The following GCNT3 variants were observed in gnomAD, a reference collection of about 807,000 sequenced individuals.
GCNT3 encodes glucosaminyl (N-acetyl) transferase 3, mucin type.
For missense variants in GCNT3, 708 were observed against 530.3 expected (o/e 1.34, Z -3.29); for synonymous variants, 269 against 195.2 (o/e 1.38, Z -3.15).
rs868183099 is a variant in GCNT3, at chr15:59,617,138, A to G, written c.-61+257A>G. On this transcript the variant is annotated intron_variant, in intron 2 of 2. Coordinates refer to ENST00000396065, the MANE Select transcript of GCNT3 (RefSeq NM_004751.3). The stretch of plus-strand genomic sequence containing the variant: ...CATATTCATCTTAGGATTTCAATGT[A>G]CAATGTTTTTTCTTTATTTTTCTTT... Among the ~76,000 whole-genome samples the G allele has an allele frequency of 1.3e-4, 17 of 132,230 alleles. 1 individual carries two copies. Among genetic ancestry groups the G allele is most frequent in the South Asian group, 2.7e-4 (1 of 3,756 alleles). 86.7% of individuals were successfully genotyped at this position (132,230 alleles called of 152,430 possible). A position where few individuals can be genotyped will look rare whatever the true frequency, so the allele number is the denominator to read the frequency against.
chr15:59,618,134 T>C (rs1351454771), intron 2 of GCNT3, 45 bp from the exon 3 acceptor site: 4 of 669,196 alleles, frequency 6.0e-6, no homozygotes, highest in Non-Finnish European at 1.0e-5. Flanking sequence ...TTGATGTTTC[T>C]GGGAATGATT....
At position 59,620,383 on chromosome 15, in the gene GCNT3, G is replaced by C. The variant is rs1330362662; in HGVS notation, c.*828G>C. ...GGGTTTCACCATATTCGCCAGGCTGGTCTTGAACTCCTGACCTTGTGATCT... is the reference window on the plus strand; with the variant it reads ...GGGTTTCACCATATTCGCCAGGCTGCTCTTGAACTCCTGACCTTGTGATCT... On this transcript the variant is annotated 3_prime_UTR_variant, in exon 3 of 3. Coordinates refer to ENST00000396065, the MANE Select transcript of GCNT3 (RefSeq NM_004751.3). 1 of 167,002 alleles carries C rather than the reference G, an allele frequency of 6.0e-6. No individual in the cohort carries two copies. The highest frequency in any genetic ancestry group is 6.5e-5 in the Admixed American group (1 of 15,272). The allele number at this position is 167,002 out of a possible 1,614,324, so 10.3% of individuals were successfully genotyped here.
At position 59,619,545 on chromosome 15, in the gene GCNT3, C is replaced by T; in HGVS notation, c.1307C>T (p.Thr436Ile). The change falls in exon 3 of 3, where the codon ACT (threonine) becomes ATT (isoleucine). Residue 436 changes from threonine to isoleucine, a missense_variant. By Grantham distance (89) the Thr-to-Ile change is moderately conservative. Coordinates refer to ENST00000396065, the MANE Select transcript of GCNT3 (RefSeq NM_004751.3). ...CTACGTTATAAGGCCATCTATGGGA[C>T]TGAACTTTGAGACACACTATGAGAG... Reference protein sequence around the residue: ...EYLRYKAIYGTEL With the variant: ...EYLRYKAIYGIEL 6.3e-7 allele frequency: 1 copy of T among 1,583,376 alleles called. No homozygotes were observed.
rs1381116589 is a variant in GCNT3 at position 59,619,208 on chromosome 15, G to T, written c.970G>T (p.Asp324Tyr). 1 of 1,613,952 alleles carries T rather than the reference G, an allele frequency of 6.2e-7. No homozygotes were observed. Among genetic ancestry groups the T allele is most frequent in the African/African-American group, 1.3e-5 (1 of 74,908 alleles). Residue 324 changes from aspartate to tyrosine, a missense_variant, in exon 3 of 3, where the codon GAC (aspartate) becomes TAC (tyrosine). Coordinates refer to ENST00000396065, the MANE Select transcript of GCNT3 (RefSeq NM_004751.3). The part of the protein sequence containing the change: ...KSQQLIEWVK[D>Y]TYSPDEHLWA... Reference sequence around the variant, plus strand: ...CCAACAACTGATTGAATGGGTAAAAGACACTTATAGCCCAGATGAACACCT... The same window carrying T: ...CCAACAACTGATTGAATGGGTAAAATACACTTATAGCCCAGATGAACACCT...
At chr15:59,613,770 A>AT (rs1159687496) in intron 1 of GCNT3, among the ~76,000 whole-genome samples, 2 of 151,912 alleles carry the variant, frequency 1.3e-5, no homozygotes, top group African/African-American at 4.8e-5. Context: ...AGTGGCTCAC[A>AT]TTTTTAATCC....
chr15:59,615,721 T>TC lies in GCNT3; in HGVS notation c.-250-971_-250-970insC, dbSNP rs1297441727. On this transcript the variant is annotated intron_variant, in intron 1 of 2. Coordinates refer to ENST00000396065, the MANE Select transcript of GCNT3 (RefSeq NM_004751.3). ...AACATAGCAAGACCTCATCTCTACTTTAAAAAAAAAAAAAAAATTATCTCC... is the reference window on the plus strand; with the variant it reads ...AACATAGCAAGACCTCATCTCTACTTCTAAAAAAAAAAAAAAAATTATCTCC... 4.0e-4 allele frequency among the ~76,000 whole-genome samples: 59 copies of TC among 149,208 alleles called. 1 individual carries two copies. Among genetic ancestry groups the TC allele is most frequent in the African/African-American group, 1.4e-3 (56 of 40,310 alleles).
chr15:59,618,699 A>C lies in GCNT3; in HGVS notation c.461A>C (p.Tyr154Ser). 1.2e-6 allele frequency: 2 copies of C among 1,614,182 alleles called. No homozygotes were observed. The highest frequency in any genetic ancestry group is 2.2e-5 in the South Asian group (2 of 91,084). Residue 154 changes from tyrosine to serine, a missense_variant, in exon 3 of 3, where the codon TAT becomes TCT. Physicochemically the swap from Tyr to Ser is moderately radical, Grantham distance 144. Coordinates refer to ENST00000396065, the MANE Select transcript of GCNT3 (RefSeq NM_004751.3). ...ENFERLLRAV[Y>S]APQNIYCVHV... ...TTTGAAAGGCTACTGCGAGCTGTGT[A>C]TGCCCCTCAGAACATATACTGTGTC...
At chr15:59,617,291 A>C (rs565962900) in intron 2 of GCNT3, among the ~76,000 whole-genome samples, 1 of 151,558 alleles carries the variant, frequency 6.6e-6, no homozygotes, top group Admixed American at 6.6e-5. Context: ...TTTCAAAGGT[A>C]GCTGTGGTTT....
At position 59,619,537 on chromosome 15, in the gene GCNT3, C is replaced by G; in HGVS notation, c.1299C>G (p.Ile433Met). 7 of 1,593,876 alleles carry G rather than the reference C, an allele frequency of 4.4e-6. No homozygotes were observed. Among genetic ancestry groups the G allele is most frequent in the Non-Finnish European group, 6.0e-6 (7 of 1,165,630 alleles). ...AAGAATACCTACGTTATAAGGCCATCTATGGGACTGAACTTTGAGACACAC... is the reference window on the plus strand; with the variant it reads ...AAGAATACCTACGTTATAAGGCCATGTATGGGACTGAACTTTGAGACACAC... ...CLEEYLRYKA[I>M]YGTEL The change falls in exon 3 of 3, where the codon ATC becomes ATG. Residue 433 changes from isoleucine (I) to methionine (M), a missense_variant. Ile to Met is a conservative substitution (Grantham distance 10). Coordinates refer to ENST00000396065, the MANE Select transcript of GCNT3 (RefSeq NM_004751.3).
chr15:59,619,517 T>A lies in GCNT3; in HGVS notation c.1279T>A (p.Tyr427Asn). The A allele has an allele frequency of 6.2e-7, 1 of 1,609,328 alleles. No individual in the cohort carries two copies. The highest frequency in any genetic ancestry group is 1.1e-5 in the South Asian group (1 of 90,718). ...TAATGCTCTTCAGTGCTTAGAAGAA[T>A]ACCTACGTTATAAGGCCATCTATGG... ...DDNALQCLEE[Y>N]LRYKAIYGTE... The change falls in exon 3 of 3, where the codon TAC becomes AAC. Residue 427 changes from tyrosine (Y) to asparagine (N), a missense_variant. Transcript: ENST00000396065.
chr15:59,612,777 C>T (rs762555909), intron 1 of GCNT3, among the ~76,000 whole-genome samples: 34 of 152,086 alleles, frequency 2.2e-4, no homozygotes, highest in Admixed American at 3.9e-4. Flanking sequence ...TGTGCCCTTC[C>T]GCAGCCATTC....
chr15:59,620,776 T>A lies in GCNT3; in HGVS notation c.*1221T>A, dbSNP rs1410759234. 1.2e-5 allele frequency: 2 copies of A among 166,572 alleles called. No homozygotes were observed. The highest frequency in any genetic ancestry group is 2.9e-5 in the Non-Finnish European group (2 of 68,058). 10.3% of individuals were successfully genotyped at this position (166,572 alleles called of 1,614,324 possible). The stretch of plus-strand genomic sequence containing the variant: ...TTTTGTAGGGGGAGAGTCTGCACTA[T>A]TAATAATTGTATTGAGAAATAAAAA... On this transcript the variant is annotated 3_prime_UTR_variant, in exon 3 of 3. Transcript: ENST00000396065.
In GCNT3 at chr15:59,620,175, A is replaced by AT. The variant is rs760649580; in HGVS notation, c.*630dup. On this transcript the variant is annotated 3_prime_UTR_variant, in exon 3 of 3. Coordinates refer to ENST00000396065, the MANE Select transcript of GCNT3 (RefSeq NM_004751.3). ...GTCCTGACAAGCTGCATGAATAGCA[A>AT]TTTTTTTTTTGAGACAGAGTCTTGC... The AT allele has an allele frequency of 1.2e-3, 203 of 163,582 alleles. 1 individual carries two copies. Among genetic ancestry groups the AT allele is most frequent in the African/African-American group, 2.1e-3 (87 of 40,894 alleles). The allele number at this position is 163,582 out of a possible 1,614,324, so 10.1% of individuals were successfully genotyped here. A position where few individuals can be genotyped will look rare whatever the true frequency, so the allele number is the denominator to read the frequency against.
intron 1 of GCNT3, among the ~76,000 whole-genome samples, chr15:59,612,914 T>C (rs893642362): frequency 2.6e-5 from 4 of 151,974 alleles, no homozygotes; most frequent in African/African-American, 7.2e-5. Flanking sequence ...AGGGCAATTC[T>C]TAGTCCTTTC....
intron 1 of GCNT3, among the ~76,000 whole-genome samples, chr15:59,614,428 TAA>T (rs1220726011): frequency 3.3e-5 from 5 of 151,192 alleles, no homozygotes; most frequent in Non-Finnish European, 7.4e-5. Flanking sequence ...AGTAAAGGAA[TAA>T]GAGAATAGCT....
In GCNT3 at chr15:59,620,632, C is replaced by T. The variant is rs879807228; in HGVS notation, c.*1077C>T. ...CTTTCCTGTACTCTTACAGGAAAATCGCAGCACTAATTCTAATTTTGTCCA... is the reference window on the plus strand; with the variant it reads ...CTTTCCTGTACTCTTACAGGAAAATTGCAGCACTAATTCTAATTTTGTCCA... On this transcript the variant is annotated 3_prime_UTR_variant, in exon 3 of 3. Coordinates refer to ENST00000396065, the MANE Select transcript of GCNT3 (RefSeq NM_004751.3). The T allele has an allele frequency of 5.4e-5, 9 of 166,918 alleles. No homozygotes were observed. The allele number at this position is 166,918 out of a possible 1,614,324, so 10.3% of individuals were successfully genotyped here. A position where few individuals can be genotyped will look rare whatever the true frequency, so the allele number is the denominator to read the frequency against.
At position 59,619,560 on chromosome 15, in the gene GCNT3, C is replaced by T; in HGVS notation, c.*5C>T. Reference sequence around the variant, plus strand: ...ATCTATGGGACTGAACTTTGAGACACACTATGAGAGCGTTGCTACCTGTGG... The same window carrying T: ...ATCTATGGGACTGAACTTTGAGACATACTATGAGAGCGTTGCTACCTGTGG... On this transcript the variant is annotated 3_prime_UTR_variant, in exon 3 of 3. Transcript: ENST00000396065. The T allele has an allele frequency of 6.5e-7, 1 of 1,529,606 alleles. No homozygotes were observed. The highest frequency in any genetic ancestry group is 9.0e-7 in the Non-Finnish European group (1 of 1,113,166). 94.8% of individuals were successfully genotyped at this position (1,529,606 alleles called of 1,614,324 possible).
rs1215903214 is a variant in GCNT3 at position 59,619,943 on chromosome 15, C to A, written c.*388C>A. 5.2e-6 allele frequency: 1 copy of A among 191,756 alleles called. No individual in the cohort carries two copies. Among genetic ancestry groups the A allele is most frequent in the East Asian group, 1.5e-4 (1 of 6,866 alleles). The allele number at this position is 191,756 out of a possible 1,614,324, so 11.9% of individuals were successfully genotyped here. A position where few individuals can be genotyped will look rare whatever the true frequency, so the allele number is the denominator to read the frequency against. ...CCAGGTTTGGTAGCGTGGAGGAGAA[C>A]TTTGATGGAAAGAGAACCTTCCCTT... On this transcript the variant is annotated 3_prime_UTR_variant, in exon 3 of 3. Transcript: ENST00000396065.
chr15:59,620,742 G>A lies in GCNT3; in HGVS notation c.*1187G>A, dbSNP rs1235263203. On this transcript the variant is annotated 3_prime_UTR_variant, in exon 3 of 3. Coordinates refer to ENST00000396065, the MANE Select transcript of GCNT3 (RefSeq NM_004751.3). ...TAATGTGTAATTCATTATTCAAAGT[G>A]GAACATGTTTTTGTAGGGGGAGAGT... The A allele has an allele frequency of 6.0e-6, 1 of 166,768 alleles. No individual in the cohort carries two copies. The highest frequency in any genetic ancestry group is 2.4e-5 in the African/African-American group (1 of 41,330). 10.3% of individuals were successfully genotyped at this position (166,768 alleles called of 1,614,324 possible). A position where few individuals can be genotyped will look rare whatever the true frequency, so the allele number is the denominator to read the frequency against.
Sources: allele counts gnomAD v4.1 joint callset (sites outside exome capture counted in the v4.1 genomes callset), GRCh38; gene constraint gnomAD v4.1.1; transcripts MANE v1.5; gene names NCBI Gene and HGNC (gene_info 2026-07-23, HGNC 2026-07-21).